The following TARBP1 variants were observed in gnomAD, a reference collection of about 807,000 sequenced individuals.
TARBP1 encodes the protein tRNA (guanosine(18)-2'-O)-methyltransferase TARBP1.
In TARBP1, 144 loss-of-function variants were observed where a neutral mutation model predicts 178.6. That is an observed-to-expected ratio of 0.81 (90% CI 0.70 to 0.93). The LOEUF is 0.93. Ranked by LOEUF, TARBP1 falls within the 40% of genes least tolerant of loss-of-function variation. The pLI is 0.00. For synonymous variants in TARBP1, 787 were observed against 781.0 expected (o/e 1.01, Z -0.13); for missense variants, 2,067 against 2,011.7 (o/e 1.03, Z -0.53).
Position 234,409,780 on chromosome 1 carries a change from T to C in TARBP1, c.3792+665A>G, listed in dbSNP as rs75942879. On this transcript the variant is annotated intron_variant, in intron 23 of 29. Coordinates refer to ENST00000040877, the MANE Select transcript of TARBP1 (RefSeq NM_005646.4). ...CTTAATAACACTATTTCAATTAAGT[T>C]TTCTCCTAGAGTTTATAGTATATCA... Among the ~76,000 whole-genome samples, 63 of 152,348 alleles carry C rather than the reference T, an allele frequency of 4.1e-4. 1 individual carries two copies. In the East Asian group the frequency reaches 0.012, roughly 29 times the overall value.
Position 234,478,250 on chromosome 1 carries a change from CG to C in TARBP1, c.853del (p.Arg285AlafsTer42), listed in dbSNP as rs773254617. ...CTCCACCGCCCTCTGCAGCAGGTAG[CG>C]CGCTCGCTTGCGCGTCAGGGCGTCC... is the stretch of plus-strand genomic sequence containing the variant. ...QADALTRKRA[R>X]YLLQRAVEVS... On this transcript the variant is annotated frameshift_variant, in exon 1 of 30. Coordinates refer to ENST00000040877, the MANE Select transcript of TARBP1 (RefSeq NM_005646.4). LOFTEE classifies it high-confidence loss of function. 6.2e-7 allele frequency: 1 copy of C among 1,608,846 alleles called. No individual in the cohort carries two copies. Among genetic ancestry groups the C allele is most frequent in the Non-Finnish European group, 8.5e-7 (1 of 1,178,702 alleles).
chr1:234,474,413 G>T (rs908019757), intron 1 of TARBP1, among the ~76,000 whole-genome samples: 1 of 152,016 alleles, frequency 6.6e-6, no homozygotes, highest in African/African-American at 2.4e-5. Flanking sequence ...AGAAAGGGAC[G>T]AAATAATCCA....
Position 234,456,650 on chromosome 1 carries a change from AAC to A in TARBP1, c.1722+1015_1722+1016del, listed in dbSNP as rs766752373. Among the ~76,000 whole-genome samples the A allele has an allele frequency of 3.3e-5, 5 of 152,250 alleles. No individual in the cohort carries two copies. In the East Asian group the frequency reaches 5.8e-4, roughly 18 times the overall value. ...GTGAATACAAAAAAATAAAATTTAA[AAC>A]AGTTTAATCTATATTTAGAGAGATC... On this transcript the variant is annotated intron_variant, in intron 9 of 29. Transcript: ENST00000040877.
intron 12 of TARBP1, among the ~76,000 whole-genome samples, chr1:234,442,518 C>G (rs910783348): frequency 5.3e-5 from 8 of 152,074 alleles, no homozygotes; most frequent in African/African-American, 1.4e-4. Flanking sequence ...CTTGCCAGGT[C>G]AAGAAGCCAC....
At chr1:234,440,461 CAGAG>C (rs1379358018) in intron 12 of TARBP1, among the ~76,000 whole-genome samples, 1 of 151,468 alleles carries the variant, frequency 6.6e-6, no homozygotes, top group African/African-American at 2.4e-5. Context: ...GAGACAGAGA[CAGAG>C]AGAGAGTGCA....
At chr1:234,440,739 A>G (rs1158373079) in intron 12 of TARBP1, among the ~76,000 whole-genome samples, 1 of 152,198 alleles carries the variant, frequency 6.6e-6, no homozygotes, top group Non-Finnish European at 1.5e-5. Context: ...TCTATATACT[A>G]GTAACACACA....
Position 234,467,577 on chromosome 1 carries a change from C to T in TARBP1, c.1173G>A (p.Leu391=), listed in dbSNP as rs1668576597. The change falls in exon 4 of 30, where the codon CTG becomes CTA. Residue 391 remains leucine (L), a synonymous_variant. Coordinates refer to ENST00000040877, the MANE Select transcript of TARBP1 (RefSeq NM_005646.4). ...AAAAATGGATAACACCTTCTTTGGACAGGATTTTGTTTTCACTTTCAAACA... is the reference window on the plus strand; with the variant it reads ...AAAAATGGATAACACCTTCTTTGGATAGGATTTTGTTTTCACTTTCAAACA... The part of the protein sequence containing the change: ...KRMFESENKI[L]SKEGVIHFLE... The T allele has an allele frequency of 3.1e-6, 5 of 1,609,170 alleles. No homozygotes were observed. Among genetic ancestry groups the T allele is most frequent in the Non-Finnish European group, 3.4e-6 (4 of 1,178,724 alleles).
chr1:234,478,333 CG>C lies in TARBP1; in HGVS notation c.770del (p.Pro257ArgfsTer23). 1 of 1,321,762 alleles carries C rather than the reference CG, an allele frequency of 7.6e-7. No individual in the cohort carries two copies. Among genetic ancestry groups the C allele is most frequent in the Non-Finnish European group, 9.6e-7 (1 of 1,039,608 alleles). The allele number at this position is 1,321,762 out of a possible 1,614,324, so 81.9% of individuals were successfully genotyped here. On this transcript the variant is annotated frameshift_variant, in exon 1 of 30. Transcript: ENST00000040877. LOFTEE classifies it high-confidence loss of function. Reference protein sequence around the residue: ...DRARGAREAGPDARRCWRFWR... With the variant: ...DRARGAREAGXDARRCWRFWR... ...AGAAGCGCCAGCAGCGCCGGGCGTCCGGGCCCGCCTCGCGCGCGCCGCGGGC... is the reference window on the plus strand; with the variant it reads ...AGAAGCGCCAGCAGCGCCGGGCGTCCGGCCCGCCTCGCGCGCGCCGCGGGC...
At chr1:234,471,639 G>A (rs556710020) in intron 2 of TARBP1, among the ~76,000 whole-genome samples, 19 of 152,290 alleles carry the variant, frequency 1.2e-4, no homozygotes, top group Middle Eastern at 6.8e-3. Flanking sequence ...CGCTTAGAAC[G>A]GCCAGTTCGG....
At chr1:234,459,127 G>C (rs1667583986) in intron 8 of TARBP1, 103 bp downstream of exon 8, 1 of 715,208 alleles carries the variant, frequency 1.4e-6, no homozygotes, top group South Asian at 1.9e-5. Context: ...TTACAAGCAG[G>C]CCTTTCTAAT....
intron 2 of TARBP1, 95 bp from the exon 3 acceptor site, chr1:234,471,352 TTTCTA>T: frequency 2.5e-6 from 2 of 797,482 alleles, no homozygotes; most frequent in South Asian, 1.7e-5. Flanking sequence ...AGCTCTTCTG[TTTCTA>T]CAAAACATAT....
At chr1:234,426,745 TTAGATAAAAA>T (rs1379312495) in intron 19 of TARBP1, among the ~76,000 whole-genome samples, 1 of 152,174 alleles carries the variant, frequency 6.6e-6, no homozygotes, top group Non-Finnish European at 1.5e-5. Flanking sequence ...AATTCAGTGG[TTAGATAAAAA>T]TAGTTTTATC....
At chr1:234,395,421 C>T (rs1408025260) in intron 26 of TARBP1, among the ~76,000 whole-genome samples, 1 of 151,998 alleles carries the variant, frequency 6.6e-6, no homozygotes, top group African/African-American at 2.4e-5. Flanking sequence ...GCAAGAGGGG[C>T]TAAAGAAGAG....
intron 29 of TARBP1, 61 bp from the exon 30 acceptor site, chr1:234,391,806 ATTC>A (rs1193735655): frequency 1.1e-5 from 17 of 1,501,342 alleles, no homozygotes; most frequent in Non-Finnish European, 1.5e-5. Context: ...TCTCTTTGAT[ATTC>A]TTTTTATTTT....
intron 19 of TARBP1, among the ~76,000 whole-genome samples, chr1:234,426,793 C>T (rs750280621): frequency 1.1e-4 from 17 of 152,054 alleles, no homozygotes; most frequent in Non-Finnish European, 2.4e-4. Flanking sequence ...GGGCCTATCC[C>T]CACACTCATC....
In TARBP1 at chr1:234,460,114, T is replaced by C. The variant is rs1373200249; in HGVS notation, c.1535+147A>G. 5 of 878,522 alleles carry C rather than the reference T, an allele frequency of 5.7e-6. No homozygotes were observed. In the Admixed American group the frequency reaches 1.4e-4, roughly 25 times the overall value. 54.4% of individuals were successfully genotyped at this position (878,522 alleles called of 1,614,324 possible). A position where few individuals can be genotyped will look rare whatever the true frequency, so the allele number is the denominator to read the frequency against. On this transcript the variant is annotated intron_variant, in intron 7 of 29. Coordinates refer to ENST00000040877, the MANE Select transcript of TARBP1 (RefSeq NM_005646.4). ...TACGAATAATACATTTTTTAATTTT[T>C]TTCTTATGTAAAATTAAGAGCCCAA... is the stretch of plus-strand genomic sequence containing the variant.
Position 234,478,409 on chromosome 1 carries a change from A to C in TARBP1, c.695T>G (p.Val232Gly). 1 of 1,377,608 alleles carries C rather than the reference A, an allele frequency of 7.3e-7. No individual in the cohort carries two copies. The highest frequency in any genetic ancestry group is 9.4e-7 in the Non-Finnish European group (1 of 1,061,028). 85.3% of individuals were successfully genotyped at this position (1,377,608 alleles called of 1,614,324 possible). ...CAGCTTCTCGGCCAGGGCGCTCAGG[A>C]CCAGCAGCTTCTCCTCTACGCGGCC... Reference protein sequence around the residue: ...GSGRVEEKLLVLSALAEKLLP... With the variant: ...GSGRVEEKLLGLSALAEKLLP... The change falls in exon 1 of 30, where the codon GTC becomes GGC. Residue 232 changes from valine (V) to glycine (G), a missense_variant. Val to Gly is a moderately radical substitution (Grantham distance 109, BLOSUM62 -3). Coordinates refer to ENST00000040877, the MANE Select transcript of TARBP1 (RefSeq NM_005646.4).
chr1:234,392,759 G>A (rs1457477380), intron 28 of TARBP1: 2 of 333,050 alleles, frequency 6.0e-6, no homozygotes, highest in Non-Finnish European at 1.1e-5. Context: ...CACCCAGGCT[G>A]GAGTGCAGTG....
chr1:234,400,995 G>A (rs1394731520), intron 25 of TARBP1, 186 bp downstream of exon 25: 6 of 474,522 alleles, frequency 1.3e-5, no homozygotes, highest in Non-Finnish European at 1.9e-5. Context: ...CACTGCTTAA[G>A]AGTGAAATGA....
Sources: gnomAD v4.1 joint callset for allele counts (sites outside exome capture counted in the v4.1 genomes callset) on GRCh38, gnomAD v4.1.1 for gene constraint, MANE v1.5 for transcripts, NCBI Gene and HGNC (gene_info 2026-07-23, HGNC 2026-07-21) for gene names.